The following EPHA6 variants were observed in gnomAD, a reference collection of about 807,000 sequenced individuals.
EPHA6 encodes the protein ephrin type-A receptor 6.
EPHA6 carries 50 observed loss-of-function variants against 112.0 expected under a neutral mutation model. The ratio of observed to expected loss-of-function variants is 0.45; its 90% CI spans 0.36 to 0.56. The LOEUF (loss-of-function observed/expected upper bound fraction) is 0.56. EPHA6 is among the 20% of genes least tolerant of loss of function. EPHA6 has a pLI of 0.00. For synonymous variants in EPHA6, 529 were observed against 490.7 expected, an observed-to-expected ratio of 1.08 and a Z score of -1.03; for missense variants, 1,280 against 1,417.4, an observed-to-expected ratio of 0.90 and a Z score of 1.56.
At chr3:97,567,417 T>C (rs1184581621) in intron 11 of EPHA6, among the ~76,000 whole-genome samples, 1 of 152,148 alleles carries the variant, frequency 6.6e-6, no homozygotes, top group African/African-American at 2.4e-5. Context: ...TAAAATGGGC[T>C]AATAATAGCT....
At chr3:97,034,772 T>C (rs1208899206) in intron 3 of EPHA6, among the ~76,000 whole-genome samples, 1 of 151,950 alleles carries the variant, frequency 6.6e-6, no homozygotes, top group African/African-American at 2.4e-5. Context: ...AGAGTACTGT[T>C]TCTATGTTCC....
At chr3:97,647,638 G>C (rs1284355669) in intron 14 of EPHA6, among the ~76,000 whole-genome samples, 1 of 152,124 alleles carries the variant, frequency 6.6e-6, no homozygotes, top group Non-Finnish European at 1.5e-5. Context: ...TTAGTGTTAT[G>C]TGGCTAAATT....
chr3:96,904,333 C>T (rs527389022), intron 2 of EPHA6, among the ~76,000 whole-genome samples: 10 of 151,610 alleles, frequency 6.6e-5, no homozygotes, highest in Middle Eastern at 3.4e-3. Flanking sequence ...TGGAAACCAT[C>T]ATTCTCAGCA....
rs761648568 is a variant in EPHA6, at chr3:97,405,208, A to G, written c.1665A>G (p.Leu555=). The change falls in exon 6 of 18, where the codon CTA becomes CTG. Residue 555 remains leucine (L), a synonymous_variant. Transcript: ENST00000389672. The stretch of plus-strand genomic sequence containing the variant: ...GGGCATCCCAAAATAGCATTGCCCT[A>G]TCATGGCAAGCACCTGCTTTTTCCA... ...KDWASQNSIA[L]SWQAPAFSNG... 2.5e-6 allele frequency: 4 copies of G among 1,609,502 alleles called. No individual in the cohort carries two copies. The highest frequency in any genetic ancestry group is 3.4e-6 in the Non-Finnish European group (4 of 1,177,560).
intron 5 of EPHA6, among the ~76,000 whole-genome samples, chr3:97,260,798 CA>C (rs2079476177): frequency 6.6e-6 from 1 of 152,184 alleles, no homozygotes; most frequent in African/African-American, 2.4e-5. Context: ...TCATTGATCT[CA>C]GCTGTTGGAT....
intron 7 of EPHA6, among the ~76,000 whole-genome samples, chr3:97,469,912 G>C (rs1258886183): frequency 1.3e-5 from 2 of 151,588 alleles, no homozygotes; most frequent in Non-Finnish European, 3.0e-5. Flanking sequence ...CTGTGTCACT[G>C]GTAATAGAGG....
At chr3:97,379,396 C>A (rs1438517251) in intron 5 of EPHA6, among the ~76,000 whole-genome samples, 2 of 151,892 alleles carry the variant, frequency 1.3e-5, no homozygotes, top group Admixed American at 1.3e-4. Flanking sequence ...CAGTTCAAAC[C>A]TCTGAAAATC....
chr3:96,897,328 A>G (rs2038336186), intron 2 of EPHA6, among the ~76,000 whole-genome samples: 1 of 152,056 alleles, frequency 6.6e-6, no homozygotes. Flanking sequence ...GACAAGTATA[A>G]CCCATTTTCT....
At chr3:97,739,048 A>G (rs988394645) in intron 16 of EPHA6, among the ~76,000 whole-genome samples, 11 of 152,032 alleles carry the variant, frequency 7.2e-5, no homozygotes, top group Non-Finnish European at 1.5e-4. Flanking sequence ...AGATTAAAAG[A>G]TAGCAATATT....
intron 7 of EPHA6, among the ~76,000 whole-genome samples, chr3:97,466,858 AT>A (rs2091073446): frequency 6.6e-6 from 1 of 151,928 alleles, no homozygotes. Flanking sequence ...ATGTTGTGCT[AT>A]TTATACCTTC....
chr3:96,816,521 A>G (rs1361347799), intron 1 of EPHA6, among the ~76,000 whole-genome samples: 7 of 152,116 alleles, frequency 4.6e-5, no homozygotes, highest in Non-Finnish European at 7.4e-5. Flanking sequence ...TTTTATTATG[A>G]CAAAACAATT....
At chr3:97,447,854 T>A in intron 6 of EPHA6, 1 of 934,598 alleles carries the variant, frequency 1.1e-6, no homozygotes, top group Non-Finnish European at 1.3e-6. Context: ...CATGCCTTTC[T>A]GTGTTTCCAG....
Position 97,358,903 on chromosome 3 carries a change from A to G in EPHA6, c.1607-46247A>G, listed in dbSNP as rs145575698. 2.5e-3 allele frequency among the ~76,000 whole-genome samples: 376 copies of G among 152,208 alleles called. 1 individual carries two copies. Among genetic ancestry groups the G allele is most frequent in the African/African-American group, 8.6e-3 (357 of 41,556 alleles). ...TGACTTCTGGCCTCCAAAGTTTCTGATTAGTAACCTGTTCATAATCTTATT... is the reference window on the plus strand; with the variant it reads ...TGACTTCTGGCCTCCAAAGTTTCTGGTTAGTAACCTGTTCATAATCTTATT... On this transcript the variant is annotated intron_variant, in intron 5 of 17. Coordinates refer to ENST00000389672, the MANE Select transcript of EPHA6 (RefSeq NM_001080448.3).
At chr3:97,310,602 G>A (rs1011145304) in intron 5 of EPHA6, among the ~76,000 whole-genome samples, 1 of 151,402 alleles carries the variant, frequency 6.6e-6, no homozygotes, top group Non-Finnish European at 1.5e-5. Context: ...TACTGCTAGT[G>A]GTGGTAAATT....
intron 10 of EPHA6, among the ~76,000 whole-genome samples, chr3:97,511,140 G>C (rs1041300772): frequency 6.6e-6 from 1 of 152,112 alleles, no homozygotes; most frequent in African/African-American, 2.4e-5. Context: ...CACTAAGCTA[G>C]ACCACTTGGC....
At chr3:97,497,925 A>G (rs2092021887) in intron 10 of EPHA6, among the ~76,000 whole-genome samples, 1 of 150,216 alleles carries the variant, frequency 6.7e-6, no homozygotes, top group Non-Finnish European at 1.5e-5. Context: ...AGTGATTGAC[A>G]GCAGATAAAC....
At chr3:97,601,405 T>C (rs969739643) in intron 12 of EPHA6, among the ~76,000 whole-genome samples, 1 of 152,080 alleles carries the variant, frequency 6.6e-6, no homozygotes, top group Non-Finnish European at 1.5e-5. Context: ...CAGAGAGCCA[T>C]GTTGAGCCGC....
intron 11 of EPHA6, chr3:97,559,612 A>G (rs759281493): frequency 4.2e-5 from 19 of 455,558 alleles, no homozygotes; most frequent in African/African-American, 3.6e-4. Context: ...ATGATGACAT[A>G]TATCCTCAGG....
At chr3:97,480,565 A>G (rs953406523) in intron 9 of EPHA6, among the ~76,000 whole-genome samples, 2 of 152,234 alleles carry the variant, frequency 1.3e-5, no homozygotes, top group African/African-American at 4.8e-5. Context: ...TTATAGATTA[A>G]CAGCATCCCA....
Sources: gnomAD v4.1 joint callset for allele counts (sites outside exome capture counted in the v4.1 genomes callset) on GRCh38, gnomAD v4.1.1 for gene constraint, MANE v1.5 for transcripts, NCBI Gene and HGNC (gene_info 2026-07-23, HGNC 2026-07-21) for gene names.